NOL9: variants seen among roughly 807,000 people sequenced by gnomAD.
NOL9 encodes nucleolar protein 9, also known as polynucleotide 5'-hydroxyl-kinase NOL9.
Under a neutral mutation model 67.9 loss-of-function variants are expected in NOL9, and 28 were observed. The ratio of observed to expected loss-of-function variants is 0.41; its 90% CI spans 0.31 to 0.57. The LOEUF is 0.57. Ranked by LOEUF, NOL9 falls within the 20% of genes least tolerant of loss-of-function variation. The pLI is 0.25. For missense variants in NOL9, 777 were observed against 897.0 expected (o/e 0.87, Z 1.71); for synonymous variants, 356 against 352.2 (o/e 1.01, Z -0.12).
rs1638862851 is a variant in NOL9, at chr1:6,525,450, G to A, written c.*404C>T. On this transcript the variant is annotated 3_prime_UTR_variant, in exon 12 of 12. Coordinates refer to ENST00000377705, the MANE Select transcript of NOL9 (RefSeq NM_024654.5). ...CAGGCAAGGCCCGTGGCGAGCCCTT[G>A]TATCCATTATGCTTGAGATCCTGCA... 5 of 214,106 alleles carry A rather than the reference G, an allele frequency of 2.3e-5. No individual in the cohort carries two copies. Among genetic ancestry groups the A allele is most frequent in the Non-Finnish European group, 4.7e-5 (5 of 106,526 alleles). 13.3% of individuals were successfully genotyped at this position (214,106 alleles called of 1,614,324 possible). A position where few individuals can be genotyped will look rare whatever the true frequency, so the allele number is the denominator to read the frequency against.
chr1:6,528,982 T>G lies in NOL9; in HGVS notation c.1825+12A>C. The G allele has an allele frequency of 6.2e-7, 1 of 1,613,630 alleles. No homozygotes were observed. Among genetic ancestry groups the G allele is most frequent in the Non-Finnish European group, 8.5e-7 (1 of 1,179,642 alleles). ...CAGTAGGTTTATGGATATGTTTTAC[T>G]CTCAGACTCACCAAAGCCCAAGCAG... On this transcript the variant is annotated intron_variant, in intron 10 of 11. Transcript: ENST00000377705.
intron 6 of NOL9, among the ~76,000 whole-genome samples, chr1:6,536,577 C>G (rs991292832): frequency 7.2e-5 from 11 of 151,902 alleles, no homozygotes; most frequent in Non-Finnish European, 1.0e-4. Flanking sequence ...CTTGTAATCT[C>G]AGGACTGTGG....
At chr1:6,546,638 G>C (rs1473895567) in intron 3 of NOL9, among the ~76,000 whole-genome samples, 1 of 152,070 alleles carries the variant, frequency 6.6e-6, no homozygotes, top group Non-Finnish European at 1.5e-5. Flanking sequence ...TGCCAGAACC[G>C]GACCCATCCC....
chr1:6,549,265 GAACCAACC>G (rs34485217), intron 3 of NOL9: 4 of 229,814 alleles, frequency 1.7e-5, no homozygotes, highest in Non-Finnish European at 3.5e-5. Context: ...TCAAAAAAAC[GAACCAACC>G]AACCAACCAA....
chr1:6,550,598 C>T lies in NOL9; in HGVS notation c.414G>A (p.Gly138=). The change falls in exon 2 of 12, where the codon GGG becomes GGA. Residue 138 remains glycine (G), a synonymous_variant. Transcript: ENST00000377705. ...CATAGAGGCAAGTCACACGACAGAT[C>T]CCACTAAAAGTAAAACCCTAGCAGG... ...LPVEQGFTFS[G]ICRVTCLYGQ... is the part of the protein sequence containing the mutation. 6.2e-7 allele frequency: 1 copy of T among 1,613,648 alleles called. No individual in the cohort carries two copies. The highest frequency in any genetic ancestry group is 8.5e-7 in the Non-Finnish European group (1 of 1,179,858).
intron 3 of NOL9, chr1:6,548,588 C>T (rs771700943): frequency 1.3e-5 from 5 of 384,248 alleles, no homozygotes; most frequent in Admixed American, 5.8e-5. Flanking sequence ...TGTAAAAGTG[C>T]TGAAGGCACA....
Position 6,551,593 on chromosome 1 carries a change from C to G in NOL9, c.397-978G>C, listed in dbSNP as rs559089389. 4.7e-5 allele frequency among the ~76,000 whole-genome samples: 7 copies of G among 149,088 alleles called. No homozygotes were observed. The South Asian group carries it at 1.5e-3, about 32-fold the overall frequency. ...CAGCCTGGGCGACAGTGATACTGTCCCAAAAATAAATAAATAAATAAAAAT... is the reference window on the plus strand; with the variant it reads ...CAGCCTGGGCGACAGTGATACTGTCGCAAAAATAAATAAATAAATAAAAAT... On this transcript the variant is annotated intron_variant, in intron 1 of 11. Transcript: ENST00000377705.
Position 6,554,281 on chromosome 1 carries a change from C to T in NOL9, c.222G>A (p.Ala74=), listed in dbSNP as rs1241761467. ...EGARQVSRAA[A]ARRPNTATPS... is the part of the protein sequence containing the mutation. ...GGGTCGCGGTGTTGGGTCTCCGGGC[C>T]GCCGCCGCGCGCGACACCTGGCGGG... The change falls in exon 1 of 12, where the codon GCG becomes GCA. Residue 74 remains alanine, a synonymous_variant. Coordinates refer to ENST00000377705, the MANE Select transcript of NOL9 (RefSeq NM_024654.5). 1 of 1,471,612 alleles carries T rather than the reference C, an allele frequency of 6.8e-7. No homozygotes were observed. 91.2% of individuals were successfully genotyped at this position (1,471,612 alleles called of 1,614,324 possible). A position where few individuals can be genotyped will look rare whatever the true frequency, so the allele number is the denominator to read the frequency against.
chr1:6,527,189 G>A (rs969180438), intron 10 of NOL9, among the ~76,000 whole-genome samples: 78 of 151,592 alleles, frequency 5.1e-4, no homozygotes, highest in Non-Finnish European at 9.6e-4. Flanking sequence ...GGAGCTTGCA[G>A]TGAGCCGAGA....
intron 3 of NOL9, among the ~76,000 whole-genome samples, chr1:6,546,748 G>GC (rs1557792791): frequency 2.0e-5 from 3 of 152,066 alleles, no homozygotes; most frequent in African/African-American, 7.2e-5. Flanking sequence ...GTTCCAGCAT[G>GC]TTTTTTTCAT....
chr1:6,531,361 G>A (rs1406732481), intron 9 of NOL9, among the ~76,000 whole-genome samples: 2 of 152,122 alleles, frequency 1.3e-5, no homozygotes, highest in Middle Eastern at 3.4e-3. Flanking sequence ...CTATAGGCAC[G>A]TGCCACCATG....
At chr1:6,526,110 TG>T in intron 11 of NOL9, 107 bp from the exon 12 acceptor site, 1 of 984,360 alleles carries the variant, frequency 1.0e-6, no homozygotes, top group Non-Finnish European at 1.6e-6. Flanking sequence ...ATGGTCTGGG[TG>T]GGGACTTCTC....
intron 3 of NOL9, chr1:6,548,252 A>G (rs1639464290): frequency 6.6e-6 from 1 of 150,554 alleles, no homozygotes; most frequent in Non-Finnish European, 1.4e-5. Context: ...GGTTCCATCG[A>G]TTCTCCCGCC....
At chr1:6,533,811 A>T (rs1251034866) in intron 6 of NOL9, among the ~76,000 whole-genome samples, 2 of 152,210 alleles carry the variant, frequency 1.3e-5, no homozygotes, top group African/African-American at 4.8e-5. Context: ...AGGGCAATGA[A>T]TAGCCATGTG....
chr1:6,554,507 G>C lies in NOL9; in HGVS notation c.-5C>G, dbSNP rs765164279. 4.6e-6 allele frequency: 7 copies of C among 1,528,272 alleles called. No homozygotes were observed. Among genetic ancestry groups the C allele is most frequent in the Admixed American group, 4.2e-5 (2 of 47,688 alleles). 94.7% of individuals were successfully genotyped at this position (1,528,272 alleles called of 1,614,324 possible). ...CAGCAGTCCCGAGTCCGCCATGCTG[G>C]GTCCTCAGGGCCTACCGCGCGAGAA... On this transcript the variant is annotated 5_prime_UTR_variant, in exon 1 of 12. Transcript: ENST00000377705.
intron 6 of NOL9, among the ~76,000 whole-genome samples, chr1:6,534,807 T>C (rs1639112715): frequency 1.3e-5 from 2 of 152,124 alleles, no homozygotes; most frequent in Admixed American, 1.3e-4. Flanking sequence ...CTCTCTTTTT[T>C]CTTTTTATTT....
intron 9 of NOL9, 50 bp from the exon 10 acceptor site, chr1:6,529,221 C>T: frequency 6.6e-7 from 1 of 1,515,352 alleles, no homozygotes; most frequent in Non-Finnish European, 9.1e-7. Flanking sequence ...TTTGAAAGAC[C>T]ACTTAATTTC....
At position 6,522,361 on chromosome 1, in the gene NOL9, C is replaced by A. The variant is rs542043066; in HGVS notation, c.*3493G>T. ...GGTTGGAAGTTCGAGACCAGCCTGA[C>A]CAATAAAGTGAAACGCCATCTCTAC... On this transcript the variant is annotated 3_prime_UTR_variant, in exon 12 of 12. Transcript: ENST00000377705. 1 of 151,722 alleles carries A rather than the reference C, an allele frequency of 6.6e-6. No individual in the cohort carries two copies. Among genetic ancestry groups the A allele is most frequent in the Non-Finnish European group, 1.5e-5 (1 of 68,008 alleles). 9.4% of individuals were successfully genotyped at this position (151,722 alleles called of 1,614,324 possible). A position where few individuals can be genotyped will look rare whatever the true frequency, so the allele number is the denominator to read the frequency against.
chr1:6,536,587 G>A (rs1639162204), intron 6 of NOL9, among the ~76,000 whole-genome samples: 1 of 151,986 alleles, frequency 6.6e-6, no homozygotes, highest in Admixed American at 6.6e-5. Context: ...CAGGACTGTG[G>A]GAGGCTTAGG....
Sources: allele counts gnomAD v4.1 joint callset (sites outside exome capture counted in the v4.1 genomes callset), GRCh38; gene constraint gnomAD v4.1.1; transcripts MANE v1.5; gene names NCBI Gene and HGNC (gene_info 2026-07-23, HGNC 2026-07-21).